Variants in CERS6 observed in about 807,000 individuals in gnomAD.
CERS6 encodes the protein LAG1 homolog, ceramide synthase 6.
A neutral mutation model predicts 56.8 loss-of-function variants in CERS6; 26 were observed. The ratio of observed to expected loss-of-function variants is 0.46; its 90% CI spans 0.34 to 0.63. The LOEUF is 0.63. Among genes scored for constraint, CERS6 ranks in the 30% least tolerant of loss-of-function variants. The probability of loss-of-function intolerance (pLI) is 0.01; values close to 1 mark genes in which losing one functional copy is unlikely to be tolerated. For missense variants in CERS6, 415 were observed against 467.5 expected (o/e 0.89, Z 1.04); for synonymous variants, 164 against 173.3 (o/e 0.95, Z 0.42).
intron 6 of CERS6, among the ~76,000 whole-genome samples, chr2:168,713,196 G>C (rs1225363379): frequency 6.6e-6 from 1 of 152,068 alleles, no homozygotes; most frequent in Non-Finnish European, 1.5e-5. Context: ...GACTTTTCAA[G>C]ATAAAAATTT....
intron 4 of CERS6, among the ~76,000 whole-genome samples, chr2:168,684,261 C>T (rs1686290857): frequency 6.6e-6 from 1 of 152,142 alleles, no homozygotes; most frequent in Non-Finnish European, 1.5e-5. Context: ...GGGGTTACTG[C>T]TGTGCTTGGT....
intron 5 of CERS6, among the ~76,000 whole-genome samples, chr2:168,692,764 TG>T (rs1386329057): frequency 3.3e-5 from 5 of 151,836 alleles, no homozygotes; most frequent in Non-Finnish European, 7.4e-5. Flanking sequence ...TGTGTGTGGG[TG>T]GGGGGGAACT....
chr2:168,521,320 TC>T (rs1367845445), intron 1 of CERS6, among the ~76,000 whole-genome samples: 2 of 152,184 alleles, frequency 1.3e-5, no homozygotes, highest in African/African-American at 2.4e-5. Flanking sequence ...CTTTTTTTGT[TC>T]CTATTGATTT....
chr2:168,574,456 A>G (rs1320249143), intron 3 of CERS6, among the ~76,000 whole-genome samples: 1 of 151,756 alleles, frequency 6.6e-6, no homozygotes, highest in Admixed American at 6.6e-5. Flanking sequence ...TTGCTGCTAG[A>G]TGGGAAAACA....
intron 4 of CERS6, among the ~76,000 whole-genome samples, chr2:168,666,427 A>T (rs1412298981): frequency 6.6e-6 from 1 of 152,164 alleles, no homozygotes; most frequent in Non-Finnish European, 1.5e-5. Flanking sequence ...GACTTTTCAG[A>T]TTGGCCTCTT....
chr2:168,588,475 A>G (rs1357752085), intron 3 of CERS6, among the ~76,000 whole-genome samples: 1 of 152,082 alleles, frequency 6.6e-6, no homozygotes, highest in African/African-American at 2.4e-5. Context: ...GAATTTAATG[A>G]CCGTAAGTAC....
At chr2:168,579,702 C>G (rs1048522187) in intron 3 of CERS6, among the ~76,000 whole-genome samples, 1 of 152,202 alleles carries the variant, frequency 6.6e-6, no homozygotes, top group Non-Finnish European at 1.5e-5. Context: ...CCCGTCTCTG[C>G]TGTGCTCTGG....
At chr2:168,675,174 A>G (rs1219928280) in intron 4 of CERS6, among the ~76,000 whole-genome samples, 1 of 151,968 alleles carries the variant, frequency 6.6e-6, no homozygotes, top group Non-Finnish European at 1.5e-5. Flanking sequence ...GGGTTTCACC[A>G]GGTTGGCTAA....
intron 1 of CERS6, among the ~76,000 whole-genome samples, chr2:168,479,329 AT>A (rs1461406475): frequency 6.6e-6 from 1 of 152,126 alleles, no homozygotes; most frequent in African/African-American, 2.4e-5. Flanking sequence ...TCATTGACAT[AT>A]TTTCATTTCT....
intron 7 of CERS6, among the ~76,000 whole-genome samples, chr2:168,715,712 T>C (rs1687211317): frequency 6.6e-6 from 1 of 152,136 alleles, no homozygotes; most frequent in Non-Finnish European, 1.5e-5. Context: ...TAAATAAATA[T>C]GTTCTAGCAT....
intron 1 of CERS6, among the ~76,000 whole-genome samples, chr2:168,477,574 A>G (rs1694102349): frequency 6.6e-6 from 1 of 152,186 alleles, no homozygotes; most frequent in Non-Finnish European, 1.5e-5. Context: ...TCTTGAGATC[A>G]TTTCCAATCA....
In CERS6 at chr2:168,727,397, A is replaced by T. The variant is rs188015457; in HGVS notation, c.845+9419A>T. On this transcript the variant is annotated intron_variant, in intron 8 of 9. Coordinates refer to ENST00000305747, the MANE Select transcript of CERS6 (RefSeq NM_203463.3). ...AACCCCATCTCTACTAAAAATACAT[A>T]AATTAGCCGGGTGTGGTGGCATGCG... 3.3e-5 allele frequency among the ~76,000 whole-genome samples: 5 copies of T among 152,168 alleles called. No individual in the cohort carries two copies. The East Asian group carries it at 9.7e-4, about 29-fold the overall frequency.
chr2:168,650,648 T>C (rs982280975), intron 4 of CERS6, among the ~76,000 whole-genome samples: 1 of 147,352 alleles, frequency 6.8e-6, no homozygotes, highest in Non-Finnish European at 1.5e-5. Flanking sequence ...ATTGCTTTTA[T>C]CTATCTTATC....
At chr2:168,502,592 A>T (rs760617173) in intron 1 of CERS6, among the ~76,000 whole-genome samples, 3 of 152,212 alleles carry the variant, frequency 2.0e-5, no homozygotes, top group African/African-American at 4.8e-5. Flanking sequence ...GAGGGCCAAA[A>T]CAAAATCTTT....
intron 3 of CERS6, among the ~76,000 whole-genome samples, chr2:168,570,157 C>T (rs568797707): frequency 3.6e-4 from 55 of 152,234 alleles, no homozygotes; most frequent in Admixed American, 1.7e-3. Context: ...CAATTTAGGA[C>T]GAAGCTCTGA....
chr2:168,704,420 C>A (rs1309597931), intron 6 of CERS6, among the ~76,000 whole-genome samples: 1 of 152,022 alleles, frequency 6.6e-6, no homozygotes. Flanking sequence ...TCTCTCAAGT[C>A]AATTCTAGGG....
intron 2 of CERS6, among the ~76,000 whole-genome samples, chr2:168,554,244 T>G (rs1695636007): frequency 6.6e-6 from 1 of 152,198 alleles, no homozygotes; most frequent in Admixed American, 6.5e-5. Flanking sequence ...CTTATAATCA[T>G]ATTAATACAC....
intron 1 of CERS6, among the ~76,000 whole-genome samples, chr2:168,531,385 G>A (rs1695163586): frequency 6.6e-6 from 1 of 152,174 alleles, no homozygotes; most frequent in African/African-American, 2.4e-5. Context: ...CATGCCTAAA[G>A]GAAGTTTTTG....
At position 168,774,138 on chromosome 2, in the gene CERS6, T is replaced by C. The variant is rs1684935936; in HGVS notation, c.*4476T>C. The C allele has an allele frequency of 6.6e-6, 1 of 152,088 alleles. No individual in the cohort carries two copies. The highest frequency in any genetic ancestry group is 2.4e-5 in the African/African-American group (1 of 41,414). 9.4% of individuals were successfully genotyped at this position (152,088 alleles called of 1,614,324 possible). On this transcript the variant is annotated 3_prime_UTR_variant, in exon 10 of 10. Coordinates refer to ENST00000305747, the MANE Select transcript of CERS6 (RefSeq NM_203463.3). ...CACATGACCACATGCTGAGACCCCA[T>C]GGGGTCTAACACGGGACCTAAGAAA...
Sources: gnomAD v4.1 joint callset for allele counts (sites outside exome capture counted in the v4.1 genomes callset) on GRCh38, gnomAD v4.1.1 for gene constraint, MANE v1.5 for transcripts, NCBI Gene and HGNC (gene_info 2026-07-23, HGNC 2026-07-21) for gene names.